The following DAG1 variants were observed in gnomAD, a reference collection of about 807,000 sequenced individuals.
DAG1 encodes the protein dystroglycan 1 (dystrophin-associated glycoprotein 1).
DAG1 carries 8 observed loss-of-function variants against 46.1 expected under a neutral mutation model. The observed-to-expected ratio is 0.17, with a 90% CI of 0.10 to 0.31. The LOEUF is 0.31. Among genes scored for constraint, DAG1 ranks in the 10% least tolerant of loss-of-function variants. DAG1 has a pLI of 1.00. For missense variants in DAG1, 1,003 were observed against 1,189.9 expected, an observed-to-expected ratio of 0.84 and a Z score of 2.31; for synonymous variants, 495 against 481.8, an observed-to-expected ratio of 1.03 and a Z score of -0.36.
intron 1 of DAG1, among the ~76,000 whole-genome samples, chr3:49,485,661 T>C (rs1462148279): frequency 1.8e-4 from 14 of 75,732 alleles, no homozygotes; most frequent in African/African-American, 2.6e-4. Flanking sequence ...TTCTTTCTTT[T>C]TTTTTTTTTT....
Position 49,505,928 on chromosome 3 carries a change from C to T in DAG1, c.-116-4491C>T, listed in dbSNP as rs562618604. On this transcript the variant is annotated intron_variant, in intron 1 of 2. Coordinates refer to ENST00000308775, the MANE Select transcript of DAG1 (RefSeq NM_004393.6). ...CAGGTGATCCACCTGCCTCGGCCCC[C>T]CAAGGTGCTGGAATTACAGGCGTGA... is the stretch of plus-strand genomic sequence containing the variant. Among the ~76,000 whole-genome samples, 4 of 151,778 alleles carry T rather than the reference C, an allele frequency of 2.6e-5. No homozygotes were observed. The South Asian group carries it at 8.3e-4, about 32-fold the overall frequency.
At chr3:49,510,124 C>T (rs893547165) in intron 1 of DAG1, 2 of 394,064 alleles carry the variant, frequency 5.1e-6, no homozygotes, top group African/African-American at 4.0e-5. Context: ...CAAAATATTA[C>T]TAATACATAT....
rs1460971033 is a variant in DAG1 at position 49,480,736 on chromosome 3, C to G, written c.-117+10303C>G. Reference sequence around the variant, plus strand: ...ACTTTGGTTGTAATAGATAATGTTGCAATTAACATCTCTGCATAAAGTTTT... The same window carrying G: ...ACTTTGGTTGTAATAGATAATGTTGGAATTAACATCTCTGCATAAAGTTTT... On this transcript the variant is annotated intron_variant, in intron 1 of 2. Coordinates refer to ENST00000308775, the MANE Select transcript of DAG1 (RefSeq NM_004393.6). Among the ~76,000 whole-genome samples, 4 of 139,766 alleles carry G rather than the reference C, an allele frequency of 2.9e-5. 1 individual carries two copies. The highest frequency in any genetic ancestry group is 6.5e-5 in the Non-Finnish European group (4 of 61,300). The allele number at this position is 139,766 out of a possible 152,430, so 91.7% of individuals were successfully genotyped here. A position where few individuals can be genotyped will look rare whatever the true frequency, so the allele number is the denominator to read the frequency against.
intron 1 of DAG1, among the ~76,000 whole-genome samples, chr3:49,481,298 G>A (rs1419524179): frequency 2.0e-5 from 3 of 150,052 alleles, no homozygotes; most frequent in Non-Finnish European, 4.4e-5. Context: ...TCTGGAGGCC[G>A]AGGCAGGAGA....
intron 1 of DAG1, among the ~76,000 whole-genome samples, chr3:49,484,488 T>C (rs1397840900): frequency 6.6e-6 from 1 of 152,142 alleles, no homozygotes; most frequent in African/African-American, 2.4e-5. Flanking sequence ...CCTCTGTTAT[T>C]TTGGAGAAGA....
At chr3:49,504,608 A>T (rs2050547906) in intron 1 of DAG1, among the ~76,000 whole-genome samples, 6 of 60,372 alleles carry the variant, frequency 9.9e-5, no homozygotes, top group Admixed American at 2.8e-4. Flanking sequence ...TTTTTTTTTG[A>T]CAGAGTCTCA....
chr3:49,479,583 C>T (rs965340679), intron 1 of DAG1, among the ~76,000 whole-genome samples: 3 of 147,342 alleles, frequency 2.0e-5, no homozygotes, highest in Non-Finnish European at 4.5e-5. Flanking sequence ...GCTGGGATTA[C>T]AGGCGTGGGA....
chr3:49,473,831 G>A (rs545771222), intron 1 of DAG1, among the ~76,000 whole-genome samples: 4 of 151,508 alleles, frequency 2.6e-5, no homozygotes, highest in Admixed American at 1.3e-4. Context: ...TGATCCGCCC[G>A]CGTCAGCCTC....
In DAG1 at chr3:49,470,437, A is replaced by C. The variant is rs1458636320; in HGVS notation, c.-117+4A>C. 1 of 152,160 alleles carries C rather than the reference A, an allele frequency of 6.6e-6. No individual in the cohort carries two copies. Among genetic ancestry groups the C allele is most frequent in the Non-Finnish European group, 1.5e-5 (1 of 68,096 alleles). 9.4% of individuals were successfully genotyped at this position (152,160 alleles called of 1,614,324 possible). ...GCGGTCCTCCCGCCGGCGCTGGGTGAGTGCACCGCCCGCCCTATCCGCTGT... is the reference window on the plus strand; with the variant it reads ...GCGGTCCTCCCGCCGGCGCTGGGTGCGTGCACCGCCCGCCCTATCCGCTGT... On this transcript the variant is annotated splice_donor_region_variant and intron_variant, in intron 1 of 2. Transcript: ENST00000308775.
intron 2 of DAG1, among the ~76,000 whole-genome samples, chr3:49,520,471 T>C (rs1446243291): frequency 6.6e-6 from 1 of 152,184 alleles, no homozygotes; most frequent in Non-Finnish European, 1.5e-5. Context: ...TTGGCCCAGC[T>C]CTGCAGCCTG....
chr3:49,478,431 C>CAAAAAAAA (rs35324265), intron 1 of DAG1, among the ~76,000 whole-genome samples: 1 of 64,894 alleles, frequency 1.5e-5, no homozygotes, highest in Non-Finnish European at 2.8e-5. Context: ...CCTGTCTCTA[C>CAAAAAAAA]AAAAAATAAA....
At position 49,494,666 on chromosome 3, in the gene DAG1, G is replaced by T. The variant is rs540572642; in HGVS notation, c.-116-15753G>T. 5.4e-5 allele frequency among the ~76,000 whole-genome samples: 8 copies of T among 149,516 alleles called. No individual in the cohort carries two copies. In the East Asian group the frequency reaches 1.4e-3, roughly 26 times the overall value. The stretch of plus-strand genomic sequence containing the variant: ...TTTTTTTTTTTGGAGACAGAGTCTT[G>T]CACTGTCATCCAGGCTGGAGTGCAG... On this transcript the variant is annotated intron_variant, in intron 1 of 2. Transcript: ENST00000308775.
chr3:49,483,123 A>C (rs1339130140), intron 1 of DAG1, among the ~76,000 whole-genome samples: 1 of 151,714 alleles, frequency 6.6e-6, no homozygotes, highest in Non-Finnish European at 1.5e-5. Context: ...TGATTTTACT[A>C]TGGAATATTT....
intron 1 of DAG1, among the ~76,000 whole-genome samples, chr3:49,486,934 G>C (rs1339408843): frequency 6.6e-6 from 1 of 152,138 alleles, no homozygotes; most frequent in African/African-American, 2.4e-5. Context: ...CTGTTGCCCA[G>C]GCTGGAGTGC....
rs763724493 is a variant in DAG1 at position 49,532,857 on chromosome 3, G to A, written c.2346G>A (p.Lys782=). 3 of 1,614,006 alleles carry A rather than the reference G, an allele frequency of 1.9e-6. No individual in the cohort carries two copies. The highest frequency in any genetic ancestry group is 1.7e-5 in the Admixed American group (1 of 60,000). ...MICYRKKRKG[K]LTLEDQATFI... is the part of the protein sequence containing the mutation. ...GCTACCGCAAGAAGCGGAAGGGCAA[G>A]CTTACCCTTGAGGACCAGGCCACCT... The change falls in exon 3 of 3, where the codon AAG becomes AAA. Residue 782 remains lysine (K), a synonymous_variant. Transcript: ENST00000308775. This position sits in a 1 kb window ranked among gnomAD's most constrained non-coding sequence, Gnocchi z 5.4.
chr3:49,502,638 CTTT>C (rs66475946), intron 1 of DAG1, among the ~76,000 whole-genome samples: 15 of 112,646 alleles, frequency 1.3e-4, no homozygotes, highest in Admixed American at 1.9e-4. Context: ...CTTTAACTTT[CTTT>C]TTTTTTTTTT....
At chr3:49,474,813 T>TG (rs1417888172) in intron 1 of DAG1, among the ~76,000 whole-genome samples, 1 of 149,842 alleles carries the variant, frequency 6.7e-6, no homozygotes, top group Non-Finnish European at 1.5e-5. Flanking sequence ...TTAATTAGTT[T>TG]TTTTTTTTTT....
intron 2 of DAG1, among the ~76,000 whole-genome samples, chr3:49,512,798 A>G (rs1374911552): frequency 6.6e-6 from 1 of 151,526 alleles, no homozygotes; most frequent in Non-Finnish European, 1.5e-5. Flanking sequence ...TGAAACCCCA[A>G]CTCTACAAAA....
Position 49,531,354 on chromosome 3 carries a change from C to T in DAG1, c.843C>T (p.Ala281=), listed in dbSNP as rs781369940. ...ACATTCATGGTGTAGAGGCCCCTGC[C>T]AGGGAGGGCGCAATGTCTGCTCAGC... ...VPDIHGVEAP[A]REGAMSAQLG... is the part of the protein sequence containing the mutation. Residue 281 remains alanine, a synonymous_variant, in exon 3 of 3, where the codon GCC becomes GCT. Coordinates refer to ENST00000308775, the MANE Select transcript of DAG1 (RefSeq NM_004393.6). The surrounding 1 kb of genome is among the most constrained non-coding windows in gnomAD (Gnocchi z 7.0). 12 of 1,614,140 alleles carry T rather than the reference C, an allele frequency of 7.4e-6. No individual in the cohort carries two copies. Among genetic ancestry groups the T allele is most frequent in the Non-Finnish European group, 1.0e-5 (12 of 1,180,020 alleles).
Sources: gnomAD v4.1 joint callset for allele counts (sites outside exome capture counted in the v4.1 genomes callset) on GRCh38, gnomAD v4.1.1 for gene constraint, Gnocchi (gnomAD v3.1) non-coding constraint, MANE v1.5 for transcripts, NCBI Gene and HGNC (gene_info 2026-07-23, HGNC 2026-07-21) for gene names.